The following NAMPT variants were observed in gnomAD, a reference collection of about 807,000 sequenced individuals.
NAMPT encodes the protein NAmPRTase.
Under a neutral mutation model 58.7 loss-of-function variants are expected in NAMPT, and 7 were observed. That is an observed-to-expected ratio of 0.12 (90% CI 0.07 to 0.22). The LOEUF (loss-of-function observed/expected upper bound fraction) is 0.22. Among genes scored for constraint, NAMPT ranks in the 10% least tolerant of loss-of-function variants. NAMPT has a pLI of 1.00. For missense variants in NAMPT, 271 were observed against 567.9 expected (o/e 0.48, Z 5.31); for synonymous variants, 145 against 198.1 (o/e 0.73, Z 2.25).
At chr7:106,278,940 T>G (rs1792702226) in intron 1 of NAMPT, among the ~76,000 whole-genome samples, 1 of 152,212 alleles carries the variant, frequency 6.6e-6, no homozygotes, top group Non-Finnish European at 1.5e-5. Flanking sequence ...AATGATGCAT[T>G]CTTTATCAGA....
intron 1 of NAMPT, among the ~76,000 whole-genome samples, chr7:106,283,372 A>T (rs1041213850): frequency 2.0e-5 from 3 of 152,176 alleles, no homozygotes; most frequent in Admixed American, 1.3e-4. Context: ...ACTGCAAACT[A>T]AAGGAAGTTG....
intron 8 of NAMPT, among the ~76,000 whole-genome samples, chr7:106,255,973 T>C (rs1792191792): frequency 6.6e-6 from 1 of 152,252 alleles, no homozygotes; most frequent in African/African-American, 2.4e-5. Flanking sequence ...TATCATCTAA[T>C]ATCATATCAC....
At chr7:106,273,111 G>T (rs1792568747) in intron 3 of NAMPT, among the ~76,000 whole-genome samples, 1 of 152,158 alleles carries the variant, frequency 6.6e-6, no homozygotes, top group South Asian at 2.1e-4. Context: ...AAGAACAAAA[G>T]AAAACAAAAC....
intron 1 of NAMPT, among the ~76,000 whole-genome samples, chr7:106,282,240 T>C (rs992234555): frequency 6.6e-6 from 1 of 152,134 alleles, no homozygotes; most frequent in African/African-American, 2.4e-5. Context: ...AAAAGCTGCC[T>C]TGAATTCCTA....
chr7:106,282,917 T>TG (rs1343002718), intron 1 of NAMPT, among the ~76,000 whole-genome samples: 1 of 152,198 alleles, frequency 6.6e-6, no homozygotes, highest in African/African-American at 2.4e-5. Flanking sequence ...AACCTCAAGA[T>TG]TATCATTTTT....
At chr7:106,258,302 T>C (rs1244908236) in intron 8 of NAMPT, among the ~76,000 whole-genome samples, 1 of 152,058 alleles carries the variant, frequency 6.6e-6, no homozygotes, top group African/African-American at 2.4e-5. Flanking sequence ...TGAGAAGTAT[T>C]ATGTACAACA....
chr7:106,254,553 A>G (rs199865328), intron 8 of NAMPT, 49 bp from the exon 9 acceptor site: 1 of 1,573,252 alleles, frequency 6.4e-7, no homozygotes, highest in East Asian at 2.2e-5. Flanking sequence ...AATTTGGAAG[A>G]GAATGGAGAT....
At chr7:106,274,289 C>CCT (rs1306083203) in intron 3 of NAMPT, among the ~76,000 whole-genome samples, 2 of 151,820 alleles carry the variant, frequency 1.3e-5, no homozygotes, top group African/African-American at 2.4e-5. Context: ...CCCTTTCCTA[C>CCT]CTATAGTGTA....
intron 5 of NAMPT, 33 bp from the exon 6 acceptor site, chr7:106,268,633 C>T (rs377755631): frequency 1.3e-6 from 2 of 1,528,496 alleles, no homozygotes; most frequent in African/African-American, 1.4e-5. Flanking sequence ...AAATCCAAAA[C>T]AGAAAGAAAC....
Position 106,270,238 on chromosome 7 carries a change from A to G in NAMPT, c.448-926T>C, listed in dbSNP as rs751813173. 4 of 388,478 alleles carry G rather than the reference A, an allele frequency of 1.0e-5. 2 individuals carry two copies. The highest frequency in any genetic ancestry group is 7.7e-5 in the South Asian group (4 of 51,622). The allele number at this position is 388,478 out of a possible 1,614,324, so 24.1% of individuals were successfully genotyped here. ...AAATTCACTTCTTCATTCTAAGATC[A>G]TAATTTTCTATTTTCATTTTATAAA... is the stretch of plus-strand genomic sequence containing the variant. On this transcript the variant is annotated intron_variant, in intron 4 of 10. Coordinates refer to ENST00000222553, the MANE Select transcript of NAMPT (RefSeq NM_005746.3).
intron 8 of NAMPT, among the ~76,000 whole-genome samples, chr7:106,259,525 A>G (rs903610959): frequency 2.0e-5 from 3 of 152,112 alleles, no homozygotes; most frequent in African/African-American, 7.2e-5. Context: ...CCTCCCTTCA[A>G]GCAATTCTCC....
intron 1 of NAMPT, among the ~76,000 whole-genome samples, chr7:106,284,014 G>A (rs139543424): frequency 1.3e-5 from 2 of 152,358 alleles, no homozygotes; most frequent in African/African-American, 4.8e-5. Flanking sequence ...ATGGGCATGT[G>A]AACGCAACGC....
Position 106,254,367 on chromosome 7 carries a change from A to C in NAMPT, c.1227T>G (p.Leu409=). 1.2e-6 allele frequency: 2 copies of C among 1,613,786 alleles called. No individual in the cohort carries two copies. The highest frequency in any genetic ancestry group is 1.7e-6 in the Non-Finnish European group (2 of 1,179,734). Residue 409 remains leucine, a synonymous_variant, in exon 9 of 11, where the codon CTT becomes CTG. Transcript: ENST00000222553. ...FKCSYVVTNG[L]GINVFKDPVA... is the part of the protein sequence containing the mutation. Reference sequence around the variant, plus strand: ...AAGTAATTAAAAGGTGACATACCCCAAGGCCATTAGTTACAACATAGCTAC... The same window carrying C: ...AAGTAATTAAAAGGTGACATACCCCCAGGCCATTAGTTACAACATAGCTAC...
intron 6 of NAMPT, among the ~76,000 whole-genome samples, chr7:106,264,984 A>G (rs1302056841): frequency 1.3e-5 from 2 of 152,024 alleles, no homozygotes; most frequent in East Asian, 1.9e-4. Flanking sequence ...AAAGACTACT[A>G]CCCGAATCCA....
chr7:106,249,064 T>C lies in NAMPT; in HGVS notation c.*2019A>G, dbSNP rs1792065189. The C allele has an allele frequency of 6.6e-6, 1 of 152,176 alleles. No homozygotes were observed. Among genetic ancestry groups the C allele is most frequent in the South Asian group, 2.1e-4 (1 of 4,830 alleles). 9.4% of individuals were successfully genotyped at this position (152,176 alleles called of 1,614,324 possible). On this transcript the variant is annotated 3_prime_UTR_variant, in exon 11 of 11. Coordinates refer to ENST00000222553, the MANE Select transcript of NAMPT (RefSeq NM_005746.3). ...TGTTTAAACACAAAATTATGGGTGA[T>C]TATCAAAACTATTATTGGTAATAGT...
intron 6 of NAMPT, among the ~76,000 whole-genome samples, chr7:106,263,934 T>C: frequency 6.6e-6 from 1 of 152,060 alleles, no homozygotes; most frequent in East Asian, 1.9e-4. Flanking sequence ...AAAATCAGTC[T>C]AACTAAAAAG....
intron 8 of NAMPT, among the ~76,000 whole-genome samples, chr7:106,260,524 A>G (rs1792284562): frequency 6.6e-6 from 1 of 152,226 alleles, no homozygotes; most frequent in Non-Finnish European, 1.5e-5. Context: ...TCTTATTCAT[A>G]TGCTTAGTGG....
chr7:106,279,694 G>A (rs540077357), intron 1 of NAMPT, among the ~76,000 whole-genome samples: 12 of 152,252 alleles, frequency 7.9e-5, no homozygotes, highest in African/African-American at 2.9e-4. Flanking sequence ...CACTGAGGAT[G>A]AGAAAGTAAA....
intron 8 of NAMPT, among the ~76,000 whole-genome samples, chr7:106,260,323 C>T (rs1266834913): frequency 6.6e-6 from 1 of 152,238 alleles, no homozygotes; most frequent in Non-Finnish European, 1.5e-5. Flanking sequence ...TTTCCCTAAA[C>T]CACAGGAACC....
Sources: gnomAD v4.1 joint callset for allele counts (sites outside exome capture counted in the v4.1 genomes callset) on GRCh38, gnomAD v4.1.1 for gene constraint, MANE v1.5 for transcripts, NCBI Gene and HGNC (gene_info 2026-07-23, HGNC 2026-07-21) for gene names.